The following B3GALT1 variants were observed in gnomAD, a reference collection of about 807,000 sequenced individuals.
B3GALT1 encodes beta-1,3-galactosyltransferase 1.
Under a neutral mutation model 23.2 loss-of-function variants are expected in B3GALT1, and 10 were observed. The observed-to-expected ratio is 0.43, with a 90% CI of 0.27 to 0.73. B3GALT1 has a LOEUF of 0.73. Among genes scored for constraint, B3GALT1 ranks in the 30% least tolerant of loss-of-function variants. The pLI is 0.21. For missense variants in B3GALT1, 299 were observed against 405.4 expected, an observed-to-expected ratio of 0.74 and a Z score of 2.25; for synonymous variants, 156 against 141.5, an observed-to-expected ratio of 1.10 and a Z score of -0.73.
chr2:167,783,184 G>A (rs181639472), intron 3 of B3GALT1, among the ~76,000 whole-genome samples: 16 of 150,864 alleles, frequency 1.1e-4, no homozygotes, highest in Non-Finnish European at 2.2e-4. Flanking sequence ...TGATTAGAAA[G>A]AATAAAGAGG....
chr2:167,541,231 G>C (rs946661436), intron 2 of B3GALT1, among the ~76,000 whole-genome samples: 22 of 152,024 alleles, frequency 1.4e-4, no homozygotes, highest in African/African-American at 5.1e-4. Context: ...AGGATAAATC[G>C]TCAGTTTTAG....
At chr2:167,614,086 T>C (rs1353343840) in intron 2 of B3GALT1, among the ~76,000 whole-genome samples, 2 of 151,612 alleles carry the variant, frequency 1.3e-5, no homozygotes, top group African/African-American at 4.8e-5. Flanking sequence ...GTATACATAT[T>C]GGGAAAAAAA....
intron 3 of B3GALT1, among the ~76,000 whole-genome samples, chr2:167,651,936 G>A (rs969470290): frequency 2.6e-5 from 4 of 152,044 alleles, no homozygotes; most frequent in Non-Finnish European, 5.9e-5. Context: ...CCTGCCAAAG[G>A]GAGTAGAAAA....
intron 1 of B3GALT1, among the ~76,000 whole-genome samples, chr2:167,423,960 C>T (rs1330420239): frequency 2.6e-5 from 4 of 152,082 alleles, no homozygotes; most frequent in African/African-American, 7.2e-5. Flanking sequence ...TGTGAAGATA[C>T]GATGAGGTGG....
At chr2:167,713,964 G>A in intron 3 of B3GALT1, 1 of 1,560,200 alleles carries the variant, frequency 6.4e-7, no homozygotes, top group Non-Finnish European at 8.8e-7. Context: ...GGAAACAATG[G>A]ACCACTGATT....
intron 3 of B3GALT1, among the ~76,000 whole-genome samples, chr2:167,659,068 G>A (rs1686010554): frequency 6.6e-6 from 1 of 152,046 alleles, no homozygotes; most frequent in African/African-American, 2.4e-5. Context: ...TGCACACTAA[G>A]TTTCAGTTTG....
chr2:167,670,350 C>T lies in B3GALT1; in HGVS notation c.-352+23384C>T, dbSNP rs1020415673. 6.6e-5 allele frequency among the ~76,000 whole-genome samples: 10 copies of T among 152,126 alleles called. No homozygotes were observed. In the East Asian group the frequency reaches 1.7e-3, roughly 27 times the overall value. Reference sequence around the variant, plus strand: ...AAAAAGGAGAGTAGAGTAGGCACACCCATAGAAAAAGTCTGAGACCTCCAA... The same window carrying T: ...AAAAAGGAGAGTAGAGTAGGCACACTCATAGAAAAAGTCTGAGACCTCCAA... On this transcript the variant is annotated intron_variant, in intron 3 of 4. Transcript: ENST00000392690.
At chr2:167,459,983 C>G (rs73022071) in intron 1 of B3GALT1, among the ~76,000 whole-genome samples, 5,508 of 151,712 alleles carry the variant, frequency 0.036, 313 homozygotes, top group African/African-American at 0.13. Context: ...TACCAAAAAT[C>G]TCATTGAGAA....
chr2:167,530,885 A>C (rs1228221402), intron 2 of B3GALT1, among the ~76,000 whole-genome samples: 1 of 152,206 alleles, frequency 6.6e-6, no homozygotes, highest in Non-Finnish European at 1.5e-5. Flanking sequence ...TTACTTCTGC[A>C]TACAATCTGC....
chr2:167,359,023 A>T (rs569729807), intron 1 of B3GALT1, among the ~76,000 whole-genome samples: 1 of 152,178 alleles, frequency 6.6e-6, no homozygotes, highest in South Asian at 2.1e-4. Flanking sequence ...GATGGTCTAG[A>T]TCTCCTGACC....
intron 2 of B3GALT1, among the ~76,000 whole-genome samples, chr2:167,588,334 A>G (rs935012036): frequency 1.3e-5 from 2 of 152,244 alleles, no homozygotes; most frequent in African/African-American, 4.8e-5. Context: ...TGCTAATTAA[A>G]GCAAAAGGAA....
intron 1 of B3GALT1, among the ~76,000 whole-genome samples, chr2:167,440,174 T>A (rs1439478764): frequency 2.0e-5 from 3 of 151,698 alleles, no homozygotes; most frequent in African/African-American, 4.8e-5. Context: ...AAACCCCATC[T>A]CTACTAAAAA....
At chr2:167,851,095 TTTA>T (rs1689875773) in intron 4 of B3GALT1, among the ~76,000 whole-genome samples, 1 of 152,226 alleles carries the variant, frequency 6.6e-6, no homozygotes, top group African/African-American at 2.4e-5. Context: ...TTTTCTTCTT[TTTA>T]TTTGTTTTTA....
intron 3 of B3GALT1, among the ~76,000 whole-genome samples, chr2:167,732,320 T>G (rs1007144849): frequency 2.6e-5 from 4 of 152,232 alleles, no homozygotes; most frequent in African/African-American, 7.2e-5. Flanking sequence ...TCCTCATTTT[T>G]GGCACCACAT....
At chr2:167,573,080 T>G (rs1184002161) in intron 2 of B3GALT1, among the ~76,000 whole-genome samples, 1 of 151,766 alleles carries the variant, frequency 6.6e-6, no homozygotes, top group Non-Finnish European at 1.5e-5. Context: ...CAATTCCTGC[T>G]GTGTGCAAAG....
rs535686975 is a variant in B3GALT1, at chr2:167,350,377, A to G, written c.-511+57043A>G. Among the ~76,000 whole-genome samples the G allele has an allele frequency of 7.9e-5, 12 of 152,360 alleles. No homozygotes were observed. In the East Asian group the frequency reaches 2.3e-3, roughly 29 times the overall value. On this transcript the variant is annotated intron_variant, in intron 1 of 4. Transcript: ENST00000392690. The stretch of plus-strand genomic sequence containing the variant: ...TTTCTGGATTTCTTATAAAATACAA[A>G]TATTACAATTGATTATAATGCTTGT...
intron 1 of B3GALT1, among the ~76,000 whole-genome samples, chr2:167,320,468 G>A (rs557026314): frequency 7.0e-4 from 107 of 152,102 alleles, no homozygotes; most frequent in Admixed American, 3.9e-3. Flanking sequence ...GGGATTACAG[G>A]TGTGAGACAC....
At chr2:167,468,118 C>T (rs1699374274) in intron 1 of B3GALT1, among the ~76,000 whole-genome samples, 1 of 151,998 alleles carries the variant, frequency 6.6e-6, no homozygotes, top group Non-Finnish European at 1.5e-5. Flanking sequence ...TGGAGTGATA[C>T]CAATTTTGGA....
Position 167,871,619 on chromosome 2 carries a change from G to A in B3GALT1, c.*1599G>A, listed in dbSNP as rs928051178. On this transcript the variant is annotated 3_prime_UTR_variant, in exon 5 of 5. Transcript: ENST00000392690. ...AAAGTAGAGGCAGCTGCCTTTCTTT[G>A]GGAAGGAACCTCTGGTTGGGGTATA... 1.3e-5 allele frequency: 2 copies of A among 152,166 alleles called. No individual in the cohort carries two copies. 9.4% of individuals were successfully genotyped at this position (152,166 alleles called of 1,614,324 possible).
Sources: allele counts gnomAD v4.1 joint callset (sites outside exome capture counted in the v4.1 genomes callset), GRCh38; gene constraint gnomAD v4.1.1; transcripts MANE v1.5; gene names NCBI Gene and HGNC (gene_info 2026-07-23, HGNC 2026-07-21).